The following SLC39A11 variants were observed in gnomAD, a reference collection of about 807,000 sequenced individuals.
SLC39A11 encodes the protein solute carrier family 39 member 11.
Under a neutral mutation model 36.1 loss-of-function variants are expected in SLC39A11, and 33 were observed. That is an observed-to-expected ratio of 0.91 (90% CI 0.69 to 1.22). The LOEUF is 1.22. Ranked by LOEUF, SLC39A11 falls within the 50% of genes most tolerant of loss-of-function variation. SLC39A11 has a pLI of 0.00. For synonymous variants in SLC39A11, 166 were observed against 170.3 expected (o/e 0.97, Z 0.20); for missense variants, 432 against 430.3 (o/e 1.00, Z -0.03).
At chr17:72,723,430 T>C (rs1215236479) in intron 7 of SLC39A11, among the ~76,000 whole-genome samples, 1 of 151,782 alleles carries the variant, frequency 6.6e-6, no homozygotes. Flanking sequence ...TCAGAGTAAG[T>C]AGTAGCAGGA....
At chr17:73,049,817 T>C (rs1350401366) in intron 3 of SLC39A11, among the ~76,000 whole-genome samples, 2 of 151,902 alleles carry the variant, frequency 1.3e-5, no homozygotes, top group Non-Finnish European at 2.9e-5. Flanking sequence ...GAACGAGGAA[T>C]GACATGAAGG....
chr17:72,777,467 C>T (rs1241992147), intron 6 of SLC39A11, among the ~76,000 whole-genome samples: 2 of 152,020 alleles, frequency 1.3e-5, no homozygotes, highest in East Asian at 1.9e-4. Flanking sequence ...TAGGGTGGGT[C>T]CCCAATCCAA....
chr17:72,943,620 T>C (rs927315918), intron 5 of SLC39A11, among the ~76,000 whole-genome samples: 10 of 152,214 alleles, frequency 6.6e-5, no homozygotes, highest in African/African-American at 2.4e-4. Context: ...AATGCACAGA[T>C]GGCACCTCAC....
intron 7 of SLC39A11, among the ~76,000 whole-genome samples, chr17:72,663,440 C>T (rs893730655): frequency 2.6e-5 from 4 of 152,170 alleles, no homozygotes; most frequent in South Asian, 2.1e-4. Flanking sequence ...ACCCACATCC[C>T]GATCAAGAAA....
intron 5 of SLC39A11, among the ~76,000 whole-genome samples, chr17:72,943,390 G>A (rs927262142): frequency 7.9e-5 from 12 of 152,210 alleles, no homozygotes; most frequent in African/African-American, 2.7e-4. Context: ...CACTTGACAC[G>A]AGCTTGGCAT....
At chr17:72,905,585 AGACTCTGTCT>A in intron 5 of SLC39A11, among the ~76,000 whole-genome samples, 1 of 151,414 alleles carries the variant, frequency 6.6e-6, no homozygotes, top group African/African-American at 2.4e-5. Flanking sequence ...TGACAGAGCA[AGACTCTGTCT>A]CTAAAAAAAA....
chr17:72,647,610 T>C lies in SLC39A11; in HGVS notation c.982A>G (p.Met328Val). Reference sequence around the variant, plus strand: ...TAGCCCAGGCCAACGTCCAGTGACATCATCACTACAAATCCCAGGATGGAG... The same window carrying C: ...TAGCCCAGGCCAACGTCCAGTGACACCATCACTACAAATCCCAGGATGGAG... ...WASILGFVVMMSLDVGLG is the reference protein window; with the variant it reads ...WASILGFVVMVSLDVGLG The change falls in exon 10 of 10, where the codon ATG becomes GTG. Residue 328 changes from methionine to valine, a missense_variant. Physicochemically the swap from Met to Val is conservative, Grantham distance 21. Coordinates refer to ENST00000255559, the MANE Select transcript of SLC39A11 (RefSeq NM_139177.4). 1 of 1,613,994 alleles carries C rather than the reference T, an allele frequency of 6.2e-7. No homozygotes were observed. Among genetic ancestry groups the C allele is most frequent in the African/African-American group, 1.3e-5 (1 of 75,032 alleles).
chr17:72,719,594 G>C (rs917667291), intron 7 of SLC39A11, among the ~76,000 whole-genome samples: 2 of 152,216 alleles, frequency 1.3e-5, no homozygotes, highest in Non-Finnish European at 2.9e-5. Flanking sequence ...CTGTTGGGGA[G>C]GACGGACAGG....
intron 5 of SLC39A11, among the ~76,000 whole-genome samples, chr17:72,855,565 G>A (rs2079593334): frequency 1.3e-5 from 2 of 151,852 alleles, no homozygotes; most frequent in African/African-American, 4.8e-5. Flanking sequence ...TATTCATTAA[G>A]TAGTATGTAT....
intron 5 of SLC39A11, among the ~76,000 whole-genome samples, chr17:72,932,534 C>G (rs1329314304): frequency 6.6e-6 from 1 of 150,616 alleles, no homozygotes; most frequent in Non-Finnish European, 1.5e-5. Flanking sequence ...CCTCCATATC[C>G]CTGATTCAGA....
chr17:72,893,375 T>C (rs1020844735), intron 5 of SLC39A11, among the ~76,000 whole-genome samples: 1 of 151,972 alleles, frequency 6.6e-6, no homozygotes, highest in African/African-American at 2.4e-5. Context: ...GCAGGAGAAT[T>C]GCTTGAAATG....
At chr17:73,028,036 C>T (rs112493988) in intron 4 of SLC39A11, among the ~76,000 whole-genome samples, 166 of 152,340 alleles carry the variant, frequency 1.1e-3, no homozygotes, top group African/African-American at 3.9e-3. Flanking sequence ...AGGGTGAGAG[C>T]CCCTTGGTCG....
chr17:72,717,610 T>C (rs1473315109), intron 7 of SLC39A11, among the ~76,000 whole-genome samples: 1 of 152,228 alleles, frequency 6.6e-6, no homozygotes, highest in Non-Finnish European at 1.5e-5. Context: ...CTCCTTGTTT[T>C]ATAAGGGTAC....
At chr17:73,045,766 T>C (rs151176883) in intron 3 of SLC39A11, among the ~76,000 whole-genome samples, 107 of 152,320 alleles carry the variant, frequency 7.0e-4, no homozygotes, top group African/African-American at 2.4e-3. Flanking sequence ...GTTAACTCCA[T>C]GCAGACTTAA....
At chr17:73,046,744 C>T (rs887076555) in intron 3 of SLC39A11, among the ~76,000 whole-genome samples, 5 of 152,014 alleles carry the variant, frequency 3.3e-5, no homozygotes, top group African/African-American at 1.2e-4. Flanking sequence ...GAGTTCCAGA[C>T]CAGCCTGGGC....
intron 5 of SLC39A11, among the ~76,000 whole-genome samples, chr17:72,884,283 C>G (rs2146605990): frequency 6.6e-6 from 1 of 152,372 alleles, no homozygotes; most frequent in South Asian, 2.1e-4. Flanking sequence ...CCATGTTGGT[C>G]TTTGTACTGT....
intron 4 of SLC39A11, among the ~76,000 whole-genome samples, chr17:72,994,595 C>T (rs1162449943): frequency 2.6e-5 from 4 of 152,134 alleles, no homozygotes; most frequent in Admixed American, 2.0e-4. Context: ...TTACGTGTAT[C>T]ATATTTCATA....
At chr17:72,852,699 G>T (rs539365460) in intron 5 of SLC39A11, among the ~76,000 whole-genome samples, 17 of 152,278 alleles carry the variant, frequency 1.1e-4, no homozygotes, top group African/African-American at 4.1e-4. Flanking sequence ...TGCACACATT[G>T]GGGGAAGGGG....
At chr17:72,776,654 A>G (rs2567531) in intron 6 of SLC39A11, among the ~76,000 whole-genome samples, 139,584 of 148,242 alleles carry the variant, frequency 0.94, 65,794 homozygotes, top group Middle Eastern at 0.97. Flanking sequence ...TTGGTAATCC[A>G]GCTGCTAGAC....
Sources: allele counts gnomAD v4.1 joint callset (sites outside exome capture counted in the v4.1 genomes callset), GRCh38; gene constraint gnomAD v4.1.1; transcripts MANE v1.5; gene names NCBI Gene and HGNC (gene_info 2026-07-23, HGNC 2026-07-21).